NF1: variants seen among roughly 807,000 people sequenced by gnomAD.
NF1 encodes neurofibromin 1.
Under a neutral mutation model 325.7 loss-of-function variants are expected in NF1, and 122 were observed. The observed-to-expected ratio is 0.37, with a 90% CI of 0.32 to 0.44. The LOEUF (loss-of-function observed/expected upper bound fraction) is 0.44. Ranked by LOEUF, NF1 falls within the 20% of genes least tolerant of loss-of-function variation. The pLI is 1.00. For missense variants in NF1, 2,140 were observed against 3,415.4 expected (o/e 0.63, Z 9.31); for synonymous variants, 1,091 against 1,186.0 (o/e 0.92, Z 1.65).
chr17:31,301,430 T>C (rs1222489005), intron 36 of NF1, among the ~76,000 whole-genome samples: 1 of 152,196 alleles, frequency 6.6e-6, no homozygotes, highest in African/African-American at 2.4e-5. Flanking sequence ...TTCTGGACTT[T>C]TTCTTCTGTT....
At chr17:31,322,332 T>A (rs1367960712) in intron 36 of NF1, among the ~76,000 whole-genome samples, 1 of 150,512 alleles carries the variant, frequency 6.6e-6, no homozygotes, top group African/African-American at 2.4e-5. Context: ...ATATAAAAAT[T>A]AACCAGGCAG....
intron 39 of NF1, among the ~76,000 whole-genome samples, chr17:31,334,053 G>A (rs1481376970): frequency 4.6e-5 from 7 of 152,138 alleles, no homozygotes; most frequent in African/African-American, 1.2e-4. Context: ...TTGGGAGGCC[G>A]AGGCGGGCAG....
chr17:31,360,838 T>G lies in NF1; in HGVS notation c.8377+135T>G, dbSNP rs17879313. 416 of 767,464 alleles carry G rather than the reference T, an allele frequency of 5.4e-4. 3 individuals carry two copies. The African/African-American group carries it at 6.1e-3, about 11-fold the overall frequency. The allele number at this position is 767,464 out of a possible 1,614,324, so 47.5% of individuals were successfully genotyped here. ...TTCACCTTACATTTCTTCTTTACCT[T>G]GTAACTGACTTGACTTTTGTTATTC... On this transcript the variant is annotated intron_variant, in intron 57 of 57. Coordinates refer to ENST00000358273, the MANE Select transcript of NF1 (RefSeq NM_001042492.3).
intron 31 of NF1, among the ~76,000 whole-genome samples, chr17:31,254,611 T>A (rs1222362577): frequency 6.6e-6 from 1 of 152,188 alleles, no homozygotes; most frequent in Non-Finnish European, 1.5e-5. Flanking sequence ...TAATGCCATT[T>A]TGTAGTGTAT....
chr17:31,356,938 T>G (rs2151582056), intron 52 of NF1, 22 bp from the exon 53 acceptor site: 1 of 1,613,502 alleles, frequency 6.2e-7, no homozygotes, highest in Non-Finnish European at 8.5e-7. Context: ...TTTGATCACG[T>G]TAATTCCCTA....
intron 45 of NF1, 142 bp from the exon 46 acceptor site, chr17:31,338,562 C>A: frequency 1.5e-6 from 1 of 656,230 alleles, no homozygotes; most frequent in East Asian, 2.7e-5. Flanking sequence ...ATTAAGCTAG[C>A]TACCAAGATC....
intron 29 of NF1, among the ~76,000 whole-genome samples, chr17:31,243,824 C>T (rs1364003724): frequency 1.3e-5 from 2 of 151,976 alleles, no homozygotes; most frequent in Non-Finnish European, 2.9e-5. Flanking sequence ...CAAGCTGGTA[C>T]CCAAGTTGCA....
intron 1 of NF1, among the ~76,000 whole-genome samples, chr17:31,145,303 C>G (rs1395416558): frequency 6.6e-6 from 1 of 152,208 alleles, no homozygotes; most frequent in Non-Finnish European, 1.5e-5. Context: ...AGCAATTCTC[C>G]CACCTCAGCC....
At chr17:31,303,288 G>GTA (rs1396573794) in intron 36 of NF1, among the ~76,000 whole-genome samples, 1 of 152,158 alleles carries the variant, frequency 6.6e-6, no homozygotes, top group Non-Finnish European at 1.5e-5. Flanking sequence ...ATCCCCAAAA[G>GTA]TATAGGCTGA....
chr17:31,234,206 T>C (rs1041104100), intron 27 of NF1, among the ~76,000 whole-genome samples: 26 of 152,222 alleles, frequency 1.7e-4, no homozygotes, highest in Admixed American at 5.9e-4. Context: ...CTCTAGAACT[T>C]ACCTTGTATA....
In NF1 at chr17:31,335,049, A is replaced by G. The variant is rs757836518; in HGVS notation, c.6006+18A>G. The G allele has an allele frequency of 2.5e-6, 4 of 1,596,336 alleles. No homozygotes were observed. The highest frequency in any genetic ancestry group is 3.4e-6 in the Non-Finnish European group (4 of 1,166,732). On this transcript the variant is annotated intron_variant, in intron 40 of 57. Transcript: ENST00000358273. ...TTGGGCAGGTATTGAGTTTGCTCAA[A>G]TATTTATCTAGTATCTCCTTTGTGC...
In NF1 at chr17:31,357,822, A is replaced by G. The variant is rs2070310432; in HGVS notation, c.7970+453A>G. 2.8e-5 allele frequency: 5 copies of G among 177,268 alleles called. 1 individual carries two copies. In the South Asian group the frequency reaches 6.1e-4, roughly 22 times the overall value. 11.0% of individuals were successfully genotyped at this position (177,268 alleles called of 1,614,324 possible). A position where few individuals can be genotyped will look rare whatever the true frequency, so the allele number is the denominator to read the frequency against. On this transcript the variant is annotated intron_variant, in intron 54 of 57. Transcript: ENST00000358273. ...CAAAGTGTTCAAATTTAAATAGTTCAAATAAATTCTTTTCCTGATCTAGGC... is the reference window on the plus strand; with the variant it reads ...CAAAGTGTTCAAATTTAAATAGTTCGAATAAATTCTTTTCCTGATCTAGGC...
In NF1 at chr17:31,360,572, A is replaced by G; in HGVS notation, c.8246A>G (p.Glu2749Gly). 2 of 1,614,116 alleles carry G rather than the reference A, an allele frequency of 1.2e-6. No individual in the cohort carries two copies. Among genetic ancestry groups the G allele is most frequent in the Non-Finnish European group, 1.7e-6 (2 of 1,180,000 alleles). The change falls in exon 57 of 58, where the codon GAA (glutamate) becomes GGA (glycine). Residue 2749 changes from glutamate to glycine, a missense_variant. Transcript: ENST00000358273. ...IDTYLPGIDE[E>G]TSEESLLTPT... ...ACGTACCTGCCTGGAATTGATGAAG[A>G]AACCAGTGAAGAATCCCTCCTGACT...
At chr17:31,202,222 T>C (rs1052444144) in intron 11 of NF1, among the ~76,000 whole-genome samples, 1 of 152,212 alleles carries the variant, frequency 6.6e-6, no homozygotes, top group East Asian at 1.9e-4. Context: ...CAAGTGTTAT[T>C]TTCCATTGTT....
rs2066215468 is a variant in NF1 at position 31,185,109 on chromosome 17, C to T, written c.888+2444C>T. On this transcript the variant is annotated intron_variant, in intron 8 of 57. Coordinates refer to ENST00000358273, the MANE Select transcript of NF1 (RefSeq NM_001042492.3). ...CTTTTGTCTGAAGAGATAAACCCTG[C>T]GCTGCCTGAGGCAACAGGAATGGCC... 1.3e-5 allele frequency among the ~76,000 whole-genome samples: 2 copies of T among 152,252 alleles called. 1 individual carries two copies. Among genetic ancestry groups the T allele is most frequent in the Non-Finnish European group, 2.9e-5 (2 of 68,018 alleles).
At chr17:31,283,478 G>T (rs1460014609) in intron 36 of NF1, among the ~76,000 whole-genome samples, 1 of 150,542 alleles carries the variant, frequency 6.6e-6, no homozygotes, top group Non-Finnish European at 1.5e-5. Flanking sequence ...TTTTGGGACA[G>T]GGTCTCACTC....
chr17:31,134,202 T>C (rs527289868), intron 1 of NF1, among the ~76,000 whole-genome samples: 4 of 152,348 alleles, frequency 2.6e-5, no homozygotes, highest in Middle Eastern at 6.8e-3. Flanking sequence ...TTTAGAGTTA[T>C]ATTTAAGCTC....
intron 29 of NF1, among the ~76,000 whole-genome samples, chr17:31,240,389 G>T (rs924278755): frequency 1.3e-5 from 2 of 152,040 alleles, no homozygotes; most frequent in African/African-American, 2.4e-5. Flanking sequence ...AGTTCCATCC[G>T]TGTTGTTGCA....
chr17:31,200,309 A>T (rs2066503059), intron 8 of NF1, 113 bp from the exon 9 acceptor site: 1 of 871,654 alleles, frequency 1.1e-6, no homozygotes. Context: ...AATATAAATT[A>T]TGCATTCTTT....
Sources: allele counts gnomAD v4.1 joint callset (sites outside exome capture counted in the v4.1 genomes callset), GRCh38; gene constraint gnomAD v4.1.1; transcripts MANE v1.5; gene names NCBI Gene and HGNC (gene_info 2026-07-23, HGNC 2026-07-21).